MYO5C: variants seen among roughly 807,000 people sequenced by gnomAD.
MYO5C encodes myosin VC.
Under a neutral mutation model 235.7 loss-of-function variants are expected in MYO5C, and 194 were observed. The observed-to-expected ratio is 0.82, with a 90% confidence interval of 0.73 to 0.93. The LOEUF (loss-of-function observed/expected upper bound fraction) is 0.93. Among genes scored for constraint, MYO5C ranks in the 40% least tolerant of loss-of-function variants. MYO5C has a pLI of 0.00. For missense variants in MYO5C, 2,038 were observed against 2,127.2 expected, an observed-to-expected ratio of 0.96 and a Z score of 0.82; for synonymous variants, 707 against 754.8, an observed-to-expected ratio of 0.94 and a Z score of 1.04.
At chr15:52,277,652 C>T (rs1373233531) in intron 4 of MYO5C, among the ~76,000 whole-genome samples, 1 of 152,050 alleles carries the variant, frequency 6.6e-6, no homozygotes, top group Admixed American at 6.5e-5. Context: ...AGGGCCATAC[C>T]CTTCCCCTCA....
At chr15:52,261,882 C>T (rs1295197380) in intron 9 of MYO5C, among the ~76,000 whole-genome samples, 7 of 152,222 alleles carry the variant, frequency 4.6e-5, no homozygotes, top group Non-Finnish European at 1.0e-4. Flanking sequence ...CCTGCCGGCA[C>T]CATTCCAGCC....
At chr15:52,233,054 C>T (rs1294407564) in intron 23 of MYO5C, among the ~76,000 whole-genome samples, 1 of 13,798 alleles carries the variant, frequency 7.2e-5, no homozygotes, top group East Asian at 4.2e-4. Flanking sequence ...CCGAGGCGGG[C>T]GGATCACGAG....
intron 1 of MYO5C, among the ~76,000 whole-genome samples, chr15:52,285,494 G>A (rs947875879): frequency 2.1e-5 from 3 of 143,000 alleles, no homozygotes; most frequent in African/African-American, 5.2e-5. Context: ...CCTCCTCTCC[G>A]TCCTCTCCCT....
chr15:52,291,731 G>GTTTTTTTTTTTTTTTTGTTTTTT (rs2037392896), intron 1 of MYO5C, among the ~76,000 whole-genome samples: 1 of 52,562 alleles, frequency 1.9e-5, no homozygotes, highest in African/African-American at 8.3e-5. Flanking sequence ...CATATTTTAT[G>GTTTTTTTTTTTTTTTTGTTTTTT]TTTTTTTTTT....
In MYO5C at chr15:52,245,415, T is replaced by C. The variant is rs199652602; in HGVS notation, c.2117A>G (p.Gln706Arg). The C allele has an allele frequency of 6.2e-7, 1 of 1,614,192 alleles. No homozygotes were observed. Among genetic ancestry groups the C allele is most frequent in the African/African-American group, 1.3e-5 (1 of 75,054 alleles). The change falls in exon 18 of 41, where the codon CAA becomes CGA. Residue 706 changes from glutamine to arginine, a missense_variant. Gln to Arg is a conservative substitution (Grantham distance 43). Transcript: ENST00000261839. Reference sequence around the variant, plus strand: ...CTTTTTATCGCTGAAGGAAAGCTCTTGCTTGGTCATGAGAATGCCGTAGCG... The same window carrying C: ...CTTTTTATCGCTGAAGGAAAGCTCTCGCTTGGTCATGAGAATGCCGTAGCG... ...YSRYGILMTK[Q>R]ELSFSDKKEV... is the part of the protein sequence containing the mutation.
chr15:52,281,044 T>G (rs905411617), intron 2 of MYO5C, among the ~76,000 whole-genome samples: 1 of 152,200 alleles, frequency 6.6e-6, no homozygotes. Context: ...ATTCTCAACC[T>G]AAACATTTTT....
intron 23 of MYO5C, among the ~76,000 whole-genome samples, chr15:52,233,951 C>T (rs2036024852): frequency 6.6e-6 from 1 of 152,076 alleles, no homozygotes; most frequent in Non-Finnish European, 1.5e-5. Context: ...AATAGTTTGT[C>T]TAACATAGTG....
In MYO5C at chr15:52,275,882, C is replaced by T. The variant is rs72623977; in HGVS notation, c.450-164G>A. Among the ~76,000 whole-genome samples the T allele has an allele frequency of 3.4e-3, 512 of 152,096 alleles. 18 individuals are homozygous for T. The East Asian group carries it at 0.09, about 27-fold the overall frequency. ...TTCTAGATTTTTTTTTCTATGTGATCGTGCAGAACACACAATTTTAAAAGT... is the reference window on the plus strand; with the variant it reads ...TTCTAGATTTTTTTTTCTATGTGATTGTGCAGAACACACAATTTTAAAAGT... On this transcript the variant is annotated intron_variant, in intron 4 of 40. Transcript: ENST00000261839.
Position 52,205,951 on chromosome 15 carries a change from T to C in MYO5C, c.4402A>G (p.Asn1468Asp), listed in dbSNP as rs756146406. The change falls in exon 37 of 41, where the codon AAT becomes GAT. Residue 1468 changes from asparagine (N) to aspartate (D), a missense_variant. Physicochemically the swap from Asn to Asp is conservative, Grantham distance 23. Transcript: ENST00000261839. ...YSGEEEFMKH[N>D]SPQQNKNCLN... ...CAATTCTTATTCTGCTGTGGACTAT[T>C]ATGCTTCATGAATTCCTAAAAGTAA... The C allele has an allele frequency of 6.4e-7, 1 of 1,559,238 alleles. No homozygotes were observed. Among genetic ancestry groups the C allele is most frequent in the South Asian group, 1.2e-5 (1 of 81,208 alleles).
chr15:52,267,183 A>C (rs2036831860), intron 8 of MYO5C, among the ~76,000 whole-genome samples: 1 of 152,224 alleles, frequency 6.6e-6, no homozygotes, highest in Non-Finnish European at 1.5e-5. Flanking sequence ...GCTGATCTCC[A>C]ACAATTAGAA....
At chr15:52,225,021 C>T (rs769131780) in intron 27 of MYO5C, 40 bp from the exon 28 acceptor site, 1 of 1,613,124 alleles carries the variant, frequency 6.2e-7, no homozygotes, top group Non-Finnish European at 8.5e-7. Context: ...TCATCTCTGT[C>T]ACGTTTTACA....
chr15:52,277,574 G>C (rs1426582519), intron 4 of MYO5C, among the ~76,000 whole-genome samples: 2 of 152,186 alleles, frequency 1.3e-5, no homozygotes, highest in Non-Finnish European at 2.9e-5. Context: ...CTCCCTATGT[G>C]AGTGAGGTCT....
chr15:52,232,209 A>AGG (rs2035970387), intron 24 of MYO5C, among the ~76,000 whole-genome samples: 2 of 99,452 alleles, frequency 2.0e-5, no homozygotes, highest in South Asian at 3.3e-4. Context: ...GAAGGAAGGA[A>AGG]AAGAAAGAAA....
At chr15:52,202,280 G>A (rs1355451864) in intron 38 of MYO5C, among the ~76,000 whole-genome samples, 2 of 152,168 alleles carry the variant, frequency 1.3e-5, no homozygotes, top group African/African-American at 4.8e-5. Flanking sequence ...AGGAGGCTGC[G>A]GCAGAAGAAT....
chr15:52,246,613 C>T (rs1596187844), intron 16 of MYO5C, among the ~76,000 whole-genome samples: 1 of 152,138 alleles, frequency 6.6e-6, no homozygotes, highest in South Asian at 2.1e-4. Flanking sequence ...ATGTTCTGAC[C>T]TTCTATGACC....
chr15:52,262,574 G>A (rs749339204), intron 9 of MYO5C, among the ~76,000 whole-genome samples: 2 of 152,208 alleles, frequency 1.3e-5, no homozygotes, highest in African/African-American at 2.4e-5. Flanking sequence ...CCCACTTGGG[G>A]AATTGACTCA....
intron 1 of MYO5C, among the ~76,000 whole-genome samples, chr15:52,286,633 GA>G (rs1292098392): frequency 6.6e-6 from 1 of 152,114 alleles, no homozygotes; most frequent in Non-Finnish European, 1.5e-5. Context: ...GTTGATCTGT[GA>G]CCTTGCCCCC....
chr15:52,199,515 T>C (rs2141258650), intron 38 of MYO5C, among the ~76,000 whole-genome samples: 1 of 152,184 alleles, frequency 6.6e-6, no homozygotes, highest in East Asian at 1.9e-4. Context: ...AAAAGTGAGA[T>C]CATCACTTTT....
Position 52,202,254 on chromosome 15 carries a change from G to A in MYO5C, c.4820+2611C>T, listed in dbSNP as rs189646852. ...TAGCCGGGCATGGTGGCGCATGCCTGTAGCCACAGCTACTCAGGAGGCTGC... is the reference window on the plus strand; with the variant it reads ...TAGCCGGGCATGGTGGCGCATGCCTATAGCCACAGCTACTCAGGAGGCTGC... On this transcript the variant is annotated intron_variant, in intron 38 of 40. Coordinates refer to ENST00000261839, the MANE Select transcript of MYO5C (RefSeq NM_018728.4). Among the ~76,000 whole-genome samples the A allele has an allele frequency of 8.2e-4, 125 of 152,264 alleles. 1 individual carries two copies. The highest frequency in any genetic ancestry group is 3.0e-3 in the African/African-American group (124 of 41,552).
Sources: allele counts gnomAD v4.1 joint callset (sites outside exome capture counted in the v4.1 genomes callset), GRCh38; gene constraint gnomAD v4.1.1; transcripts MANE v1.5; gene names NCBI Gene and HGNC (gene_info 2026-07-23, HGNC 2026-07-21).